Variants in RAD51B observed in about 807,000 individuals in gnomAD.
RAD51B encodes RAD51 paralog B, also known as DNA repair protein RAD51 homolog 2.
Under a neutral mutation model 42.2 loss-of-function variants are expected in RAD51B, and 38 were observed. The observed-to-expected ratio is 0.90, with a 90% CI of 0.70 to 1.18. The LOEUF is 1.18. Among genes scored for constraint, RAD51B ranks in the 50% most tolerant of loss-of-function variants. The pLI is 0.00. For synonymous variants in RAD51B, 154 were observed against 145.2 expected, an observed-to-expected ratio of 1.06 and a Z score of -0.43; for missense variants, 373 against 400.7, an observed-to-expected ratio of 0.93 and a Z score of 0.59.
intron 4 of RAD51B, among the ~76,000 whole-genome samples, chr14:67,850,652 C>T (rs1329999023): frequency 1.3e-5 from 2 of 151,890 alleles, no homozygotes; most frequent in Non-Finnish European, 2.9e-5. Flanking sequence ...TCCTATTTTA[C>T]GGGAGTGCTG....
chr14:68,673,522 ACG>A lies in RAD51B; in HGVS notation c.*11+22670_*11+22671del, dbSNP rs370628389. 7.3e-3 allele frequency among the ~76,000 whole-genome samples: 1,112 copies of A among 151,898 alleles called. 18 individuals carry two copies. Among genetic ancestry groups the A allele is most frequent in the African/African-American group, 0.023 (934 of 41,332 alleles). On this transcript the variant is annotated intron_variant, in intron 11 of 11. Transcript: ENST00000488612. ...CACACATGTATGTACACACATATGTACGCGCACACACATACACATACATATGT... is the reference window on the plus strand; with the variant it reads ...CACACATGTATGTACACACATATGTACGCACACACATACACATACATATGT...
At chr14:67,988,725 C>A (rs960965856) in intron 7 of RAD51B, among the ~76,000 whole-genome samples, 1 of 152,128 alleles carries the variant, frequency 6.6e-6, no homozygotes, top group Non-Finnish European at 1.5e-5. Context: ...AAGGAACAGG[C>A]CATTGAAAAT....
chr14:68,657,528 G>T (rs1022102664), intron 11 of RAD51B, among the ~76,000 whole-genome samples: 1 of 152,190 alleles, frequency 6.6e-6, no homozygotes, highest in African/African-American at 2.4e-5. Context: ...TGAGCCTGGT[G>T]GGGGGCCAAG....
intron 8 of RAD51B, among the ~76,000 whole-genome samples, chr14:68,301,696 A>C (rs2081743367): frequency 6.7e-6 from 1 of 150,248 alleles, no homozygotes; most frequent in African/African-American, 2.5e-5. Flanking sequence ...TCCCACACTC[A>C]AGCAATTCCC....
Position 68,577,749 on chromosome 14 carries a change from C to T in RAD51B, c.1037-16736C>T, listed in dbSNP as rs113188844. On this transcript the variant is annotated intron_variant, in intron 10 of 10. Transcript: ENST00000487270. ...TGTTTATCACCTCTCTCATCACACA[C>T]ACACACACACACAGTTAAAGGCAGG... Among the ~76,000 whole-genome samples, 486 of 152,318 alleles carry T rather than the reference C, an allele frequency of 3.2e-3. 2 individuals are homozygous for T. Among genetic ancestry groups the T allele is most frequent in the African/African-American group, 0.011 (457 of 41,586 alleles).
intron 8 of RAD51B, among the ~76,000 whole-genome samples, chr14:68,300,820 A>T (rs996316943): frequency 6.6e-6 from 1 of 152,258 alleles, no homozygotes; most frequent in African/African-American, 2.4e-5. Flanking sequence ...ACAGAGGCAC[A>T]TTAGCTAGCG....
rs745690831 is a variant in RAD51B at position 67,875,714 on chromosome 14, C to T, written c.453-10155C>T. Among the ~76,000 whole-genome samples the T allele has an allele frequency of 3.6e-4, 54 of 152,112 alleles. 1 individual carries two copies. The highest frequency in any genetic ancestry group is 2.9e-3 in the Admixed American group (45 of 15,258). ...AGTGAAATTGCCTAATGACACATTTCTCAGTACATATCCCCATTATTATGC... is the reference window on the plus strand; with the variant it reads ...AGTGAAATTGCCTAATGACACATTTTTCAGTACATATCCCCATTATTATGC... On this transcript the variant is annotated intron_variant, in intron 5 of 10. Transcript: ENST00000471583.
chr14:68,104,861 C>G (rs910926186), intron 7 of RAD51B, among the ~76,000 whole-genome samples: 16 of 152,074 alleles, frequency 1.1e-4, no homozygotes, highest in African/African-American at 3.9e-4. Context: ...TCTCTGAATT[C>G]TTAAGCACTC....
At chr14:68,444,888 G>A (rs2085387527) in intron 9 of RAD51B, among the ~76,000 whole-genome samples, 1 of 152,228 alleles carries the variant, frequency 6.6e-6, no homozygotes, top group Non-Finnish European at 1.5e-5. Flanking sequence ...GAAATGCCAA[G>A]GCTAAATGAA....
chr14:68,594,338 A>G, intron 10 of RAD51B: 1 of 647,302 alleles, frequency 1.5e-6, no homozygotes, highest in Non-Finnish European at 2.3e-6. Flanking sequence ...TCTTTTGCAC[A>G]TGTCTACCGT....
intron 7 of RAD51B, among the ~76,000 whole-genome samples, chr14:68,011,894 G>A (rs908115334): frequency 1.3e-5 from 2 of 151,996 alleles, no homozygotes; most frequent in African/African-American, 2.4e-5. Context: ...TTCCTGCCAA[G>A]AATAATAAAC....
rs933393332 is a variant in RAD51B at position 68,356,367 on chromosome 14, G to A, written c.854-55057G>A. ...GGAGAATGGCGTGAACCCAGGAGGCGGAGCTTGCAGTGAGCCGAGGTTGTG... is the reference window on the plus strand; with the variant it reads ...GGAGAATGGCGTGAACCCAGGAGGCAGAGCTTGCAGTGAGCCGAGGTTGTG... On this transcript the variant is annotated intron_variant, in intron 8 of 10. Transcript: ENST00000471583. Among the ~76,000 whole-genome samples, 11 of 151,060 alleles carry A rather than the reference G, an allele frequency of 7.3e-5. 1 individual carries two copies. Among genetic ancestry groups the A allele is most frequent in the East Asian group, 3.9e-4 (2 of 5,140 alleles).
At chr14:68,461,842 G>A (rs1313726904) in intron 9 of RAD51B, among the ~76,000 whole-genome samples, 1 of 152,200 alleles carries the variant, frequency 6.6e-6, no homozygotes, top group Non-Finnish European at 1.5e-5. Context: ...ACAAGGAGAA[G>A]CCCATGGGCC....
intron 10 of RAD51B, chr14:68,610,914 G>A: frequency 3.2e-6 from 2 of 628,462 alleles, no homozygotes. Context: ...AACCCTGCAG[G>A]CCATGAACAG....
chr14:68,469,785 C>G (rs2086075687), intron 10 of RAD51B, among the ~76,000 whole-genome samples: 1 of 152,154 alleles, frequency 6.6e-6, no homozygotes, highest in Non-Finnish European at 1.5e-5. Flanking sequence ...TGGAAGATTA[C>G]AAGACAATTT....
chr14:68,580,842 G>A (rs188239048), intron 10 of RAD51B, among the ~76,000 whole-genome samples: 2 of 152,156 alleles, frequency 1.3e-5, no homozygotes, highest in Non-Finnish European at 2.9e-5. Flanking sequence ...CCTCAGCACA[G>A]TATAGCCTTG....
At chr14:68,537,667 T>C (rs1887717759) in intron 10 of RAD51B, among the ~76,000 whole-genome samples, 1 of 152,238 alleles carries the variant, frequency 6.6e-6, no homozygotes, top group African/African-American at 2.4e-5. Context: ...TTAGTTCTTC[T>C]AGATTTAGCC....
intron 10 of RAD51B, among the ~76,000 whole-genome samples, chr14:68,591,054 T>G (rs544408279): frequency 1.5e-4 from 23 of 152,320 alleles, no homozygotes; most frequent in Middle Eastern, 3.4e-3. Context: ...CACTAGTGAC[T>G]CTTTTCTTCC....
At chr14:67,831,239 A>G (rs186296682) in intron 3 of RAD51B, among the ~76,000 whole-genome samples, 2 of 152,272 alleles carry the variant, frequency 1.3e-5, no homozygotes, top group Admixed American at 6.5e-5. Context: ...GCAGTTAAAT[A>G]TATGGACCTG....
Sources: gnomAD v4.1 joint callset for allele counts (sites outside exome capture counted in the v4.1 genomes callset) on GRCh38, gnomAD v4.1.1 for gene constraint, MANE v1.5 for transcripts, NCBI Gene and HGNC (gene_info 2026-07-23, HGNC 2026-07-21) for gene names.